Variants in ABCA13 observed in about 807,000 individuals in gnomAD.
ABCA13 encodes ATP-binding cassette sub-family A member 13.
A neutral mutation model predicts 478.7 loss-of-function variants in ABCA13; 476 were observed. The observed-to-expected ratio is 0.99, with a 90% CI of 0.92 to 1.07. The LOEUF (loss-of-function observed/expected upper bound fraction) is 1.07. Ranked by LOEUF, ABCA13 falls within the 50% of genes least tolerant of loss-of-function variation. ABCA13 has a pLI of 0.00. For synonymous variants in ABCA13, 2,252 were observed against 2,158.9 expected (o/e 1.04, Z -1.20); for missense variants, 6,060 against 5,910.6 (o/e 1.03, Z -0.83).
At chr7:48,514,294 T>C (rs1831945557) in intron 51 of ABCA13, among the ~76,000 whole-genome samples, 1 of 152,158 alleles carries the variant, frequency 6.6e-6, no homozygotes, top group Admixed American at 6.5e-5. Flanking sequence ...AGTCCCACAA[T>C]GCAAAATTTA....
At chr7:48,501,336 C>G (rs2130813919) in intron 48 of ABCA13, among the ~76,000 whole-genome samples, 1 of 152,198 alleles carries the variant, frequency 6.6e-6, no homozygotes, top group East Asian at 1.9e-4. Context: ...TGTTAAGCCC[C>G]AAAATGCTTA....
rs1442525158 is a variant in ABCA13, at chr7:48,368,815, C to T, written c.10803+907C>T. 2.0e-5 allele frequency among the ~76,000 whole-genome samples: 3 copies of T among 150,556 alleles called. No homozygotes were observed. In the East Asian group the frequency reaches 5.8e-4, roughly 29 times the overall value. ...CACACACAGACATTTTCTTTATTCA[C>T]TCATTGATTGATGGGCATCTGGGTT... On this transcript the variant is annotated intron_variant, in intron 32 of 61. Coordinates refer to ENST00000435803, the MANE Select transcript of ABCA13 (RefSeq NM_152701.5).
At chr7:48,205,154 T>C (rs558069582) in intron 3 of ABCA13, among the ~76,000 whole-genome samples, 273 of 152,372 alleles carry the variant, frequency 1.8e-3, no homozygotes, top group Non-Finnish European at 3.6e-3. Context: ...ATTTTATTTT[T>C]ACACCGTGTT....
chr7:48,174,535 TA>T (rs1794585653), intron 1 of ABCA13, among the ~76,000 whole-genome samples: 1 of 152,166 alleles, frequency 6.6e-6, no homozygotes, highest in South Asian at 2.1e-4. Context: ...ATACTTATCT[TA>T]ATACCTAACT....
At chr7:48,492,434 T>A (rs1417590742) in intron 48 of ABCA13, among the ~76,000 whole-genome samples, 1 of 152,206 alleles carries the variant, frequency 6.6e-6, no homozygotes, top group African/African-American at 2.4e-5. Context: ...ATGAAATTCA[T>A]CCATATATTT....
At chr7:48,479,497 C>T (rs1175349155) in intron 45 of ABCA13, among the ~76,000 whole-genome samples, 3 of 152,194 alleles carry the variant, frequency 2.0e-5, no homozygotes, top group South Asian at 4.1e-4. Context: ...CTCCGCCTCC[C>T]AATGTGCTGG....
At chr7:48,411,050 T>A (rs71547884) in intron 40 of ABCA13, among the ~76,000 whole-genome samples, 1 of 62,152 alleles carries the variant, frequency 1.6e-5, no homozygotes, top group Admixed American at 1.9e-4. Flanking sequence ...TTTCTTTCTT[T>A]TTCTTTCTTT....
chr7:48,197,626 A>G (rs1037544496), intron 2 of ABCA13, among the ~76,000 whole-genome samples: 2 of 150,622 alleles, frequency 1.3e-5, no homozygotes, highest in Admixed American at 1.3e-4. Context: ...CAGCATCCTC[A>G]CCACTCCCAC....
chr7:48,389,043 C>G lies in ABCA13; in HGVS notation c.11477C>G (p.Ser3826Ter). 2 of 1,613,426 alleles carry G rather than the reference C, an allele frequency of 1.2e-6. No individual in the cohort carries two copies. The highest frequency in any genetic ancestry group is 1.7e-6 in the Non-Finnish European group (2 of 1,179,638). ...FFNENFDNKGSSLQNREGELE... is the reference protein window; with the variant it reads ...FFNENFDNKG ...TGAATTTTCATCTCTCTCACAGGGT[C>G]ATCACTGCAAAACAGGGAAGGAGAG... The change falls in exon 37 of 62, where the codon TCA becomes TGA. Residue 3826 changes from serine (S) to a stop codon, truncating the protein, a stop_gained. Transcript: ENST00000435803. LOFTEE classifies it high-confidence loss of function.
chr7:48,399,254 A>G (rs1217304514), intron 38 of ABCA13, among the ~76,000 whole-genome samples: 2 of 152,216 alleles, frequency 1.3e-5, no homozygotes, highest in Non-Finnish European at 2.9e-5. Context: ...TCACAGCAGC[A>G]TATCTGTACA....
chr7:48,302,349 A>T (rs776059173), intron 23 of ABCA13, among the ~76,000 whole-genome samples: 1 of 152,226 alleles, frequency 6.6e-6, no homozygotes, highest in Non-Finnish European at 1.5e-5. Flanking sequence ...TTTAAAAATT[A>T]AACTTTTATT....
chr7:48,427,870 C>T lies in ABCA13; in HGVS notation c.12564C>T (p.Tyr4188=), dbSNP rs1476303511. ...GGCCTACAGGACATCTGTCTGGCTA[C>T]TGTAAGTACAGAATGGCTTCCTGCA... ...NHRPTGHLSG[Y]CGSLARPATV... is the part of the protein sequence containing the mutation. Residue 4188 remains tyrosine, a splice_region_variant and synonymous_variant, in exon 42 of 62, where the codon TAC becomes TAT. Transcript: ENST00000435803. 1 of 1,586,296 alleles carries T rather than the reference C, an allele frequency of 6.3e-7. No homozygotes were observed. Among genetic ancestry groups the T allele is most frequent in the East Asian group, 2.2e-5 (1 of 44,580 alleles).
chr7:48,328,154 T>C (rs993136244), intron 27 of ABCA13, among the ~76,000 whole-genome samples: 5 of 152,200 alleles, frequency 3.3e-5, no homozygotes, highest in African/African-American at 1.2e-4. Context: ...GCCTGGAGTC[T>C]ACATAAACTT....
rs1832677666 is a variant in ABCA13, at chr7:48,523,276, A to G, written c.14052-972A>G. 2.0e-5 allele frequency among the ~76,000 whole-genome samples: 3 copies of G among 152,290 alleles called. No homozygotes were observed. In the South Asian group the frequency reaches 6.2e-4, roughly 32 times the overall value. On this transcript the variant is annotated intron_variant, in intron 53 of 61. Transcript: ENST00000435803. Reference sequence around the variant, plus strand: ...ATGTTCTCTGTAGAATAAATTATATATTGTCAAATGGTGATTTTATATGTG... The same window carrying G: ...ATGTTCTCTGTAGAATAAATTATATGTTGTCAAATGGTGATTTTATATGTG...
At chr7:48,562,606 G>A (rs541942850) in intron 55 of ABCA13, among the ~76,000 whole-genome samples, 12 of 152,240 alleles carry the variant, frequency 7.9e-5, no homozygotes, top group African/African-American at 2.9e-4. Flanking sequence ...TTCTGAAGTA[G>A]AGATGTTTGA....
chr7:48,618,423 CCACTGTT>C (rs1792807271), intron 59 of ABCA13, among the ~76,000 whole-genome samples: 1 of 152,144 alleles, frequency 6.6e-6, no homozygotes, highest in Non-Finnish European at 1.5e-5. Context: ...CATCCTTAGC[CCACTGTT>C]TTAAAATATA....
At chr7:48,431,342 A>AAACAAC (rs56675430) in intron 42 of ABCA13, among the ~76,000 whole-genome samples, 10,633 of 147,976 alleles carry the variant, frequency 0.072, 413 homozygotes, top group East Asian at 0.087. Context: ...ATTCTGTCTC[A>AAACAAC]AACAACAACA....
intron 58 of ABCA13, among the ~76,000 whole-genome samples, chr7:48,609,644 C>T (rs1791821451): frequency 6.6e-6 from 1 of 152,186 alleles, no homozygotes; most frequent in South Asian, 2.1e-4. Flanking sequence ...CATCCAACAT[C>T]ATGAATTCCA....
At chr7:48,394,789 C>A (rs554834904) in intron 38 of ABCA13, among the ~76,000 whole-genome samples, 1 of 152,076 alleles carries the variant, frequency 6.6e-6, no homozygotes, top group Non-Finnish European at 1.5e-5. Flanking sequence ...GTGCACCCAT[C>A]GCTTGAGCAG....
Sources: gnomAD v4.1 joint callset for allele counts (sites outside exome capture counted in the v4.1 genomes callset) on GRCh38, gnomAD v4.1.1 for gene constraint, MANE v1.5 for transcripts, NCBI Gene and HGNC (gene_info 2026-07-23, HGNC 2026-07-21) for gene names.